The following ARHGAP17 variants were observed in gnomAD, a reference collection of about 807,000 sequenced individuals.
The protein encoded by ARHGAP17 is Rho GTPase activating protein 17.
Under a neutral mutation model 99.5 loss-of-function variants are expected in ARHGAP17, and 57 were observed. The observed-to-expected ratio is 0.57, with a 90% CI of 0.46 to 0.71. ARHGAP17 has a LOEUF of 0.71. ARHGAP17 is among the 30% of genes least tolerant of loss of function. The probability of loss-of-function intolerance (pLI) is 0.00; values close to 1 mark genes in which losing one functional copy is unlikely to be tolerated. For synonymous variants in ARHGAP17, 417 were observed against 429.6 expected, an observed-to-expected ratio of 0.97 and a Z score of 0.36; for missense variants, 1,000 against 1,122.4, an observed-to-expected ratio of 0.89 and a Z score of 1.56.
intron 17 of ARHGAP17, 87 bp downstream of exon 17, chr16:24,939,277 G>T: frequency 8.1e-7 from 1 of 1,230,618 alleles, no homozygotes; most frequent in Non-Finnish European, 1.1e-6. Context: ...GCAGTTCTTT[G>T]GGCATGGATG....
chr16:24,943,796 C>T lies in ARHGAP17; in HGVS notation c.1308G>A (p.Gln436=). 1 of 1,614,128 alleles carries T rather than the reference C, an allele frequency of 6.2e-7. No homozygotes were observed. The highest frequency in any genetic ancestry group is 1.6e-4 in the Middle Eastern group (1 of 6,062). The change falls in exon 15 of 20, where the codon CAG becomes CAA. Residue 436 remains glutamine (Q), a synonymous_variant. Coordinates refer to ENST00000289968, the MANE Select transcript of ARHGAP17 (RefSeq NM_001006634.3). ...CTTCAGGGAAGAACCAGTCGGCATG[C>T]TGAATGATGGGTTCAATCACTGCAA... ...HVVAVIEPII[Q]HADWFFPEEV... is the part of the protein sequence containing the mutation.
chr16:25,003,586 G>A (rs2141495355), intron 1 of ARHGAP17, among the ~76,000 whole-genome samples: 2 of 152,242 alleles, frequency 1.3e-5, no homozygotes, highest in East Asian at 3.9e-4. Context: ...CACTTTGGGA[G>A]GCCGAGGAGG....
chr16:24,983,771 G>A (rs950698583), intron 1 of ARHGAP17, among the ~76,000 whole-genome samples: 4 of 152,154 alleles, frequency 2.6e-5, no homozygotes, highest in Non-Finnish European at 4.4e-5. Flanking sequence ...CTTCCCACTC[G>A]CCATTTTACT....
intron 3 of ARHGAP17, chr16:24,972,651 A>G (rs1167990785): frequency 6.6e-6 from 1 of 152,236 alleles, no homozygotes; most frequent in African/African-American, 2.4e-5. Context: ...AGATCAATGC[A>G]ATAATCAAGA....
At chr16:25,006,889 A>G (rs190995601) in intron 1 of ARHGAP17, among the ~76,000 whole-genome samples, 26 of 152,338 alleles carry the variant, frequency 1.7e-4, no homozygotes, top group South Asian at 1.2e-3. Context: ...CTAGGGATAA[A>G]GAGACCCCAG....
chr16:25,010,684 G>A (rs575108955), intron 1 of ARHGAP17, among the ~76,000 whole-genome samples: 3 of 152,312 alleles, frequency 2.0e-5, no homozygotes, highest in East Asian at 3.9e-4. Context: ...TAGTGTCCCC[G>A]TAGTTTAATT....
intron 1 of ARHGAP17, among the ~76,000 whole-genome samples, chr16:25,002,926 C>A (rs2053401889): frequency 6.6e-6 from 1 of 150,786 alleles, no homozygotes; most frequent in South Asian, 2.1e-4. Flanking sequence ...GTAATCCCAG[C>A]TACTCGGGAG....
At chr16:24,973,741 T>C (rs1053574401) in intron 3 of ARHGAP17, among the ~76,000 whole-genome samples, 1 of 152,266 alleles carries the variant, frequency 6.6e-6, no homozygotes, top group Admixed American at 6.5e-5. Context: ...CATTTGTATG[T>C]ATCTCCCCCA....
intron 1 of ARHGAP17, among the ~76,000 whole-genome samples, chr16:25,011,622 T>C (rs2053644035): frequency 6.6e-6 from 1 of 151,702 alleles, no homozygotes; most frequent in African/African-American, 2.4e-5. Flanking sequence ...GGAGAATTGC[T>C]TGAACCTAGG....
intron 19 of ARHGAP17, among the ~76,000 whole-genome samples, chr16:24,929,273 C>T (rs1003009258): frequency 6.6e-6 from 1 of 151,918 alleles, no homozygotes. Context: ...TCAAGCAATC[C>T]TCTTGCCTCA....
chr16:24,994,154 T>C (rs913878314), intron 1 of ARHGAP17, among the ~76,000 whole-genome samples: 5 of 151,996 alleles, frequency 3.3e-5, no homozygotes, highest in African/African-American at 1.2e-4. Context: ...GGCGAGGCAG[T>C]TTTTGAGGGA....
At chr16:24,990,399 T>C (rs533380426) in intron 1 of ARHGAP17, among the ~76,000 whole-genome samples, 5 of 152,102 alleles carry the variant, frequency 3.3e-5, no homozygotes, top group African/African-American at 1.2e-4. Context: ...AGTGGGAGGA[T>C]TGTTTGAGCC....
chr16:25,014,437 T>C (rs2053726977), intron 1 of ARHGAP17, among the ~76,000 whole-genome samples: 1 of 152,240 alleles, frequency 6.6e-6, no homozygotes, highest in Non-Finnish European at 1.5e-5. Flanking sequence ...GCCTGCCATT[T>C]AATAATCAAT....
intron 1 of ARHGAP17, among the ~76,000 whole-genome samples, chr16:24,987,527 T>C (rs1170115571): frequency 6.6e-6 from 1 of 152,194 alleles, no homozygotes; most frequent in Non-Finnish European, 1.5e-5. Flanking sequence ...CGCTGGCTTT[T>C]CAAGACTTTT....
intron 1 of ARHGAP17, among the ~76,000 whole-genome samples, chr16:24,997,692 G>A (rs2053236092): frequency 6.6e-6 from 1 of 152,154 alleles, no homozygotes; most frequent in Non-Finnish European, 1.5e-5. Context: ...TGACTTGGGG[G>A]TGGACAGGAA....
At chr16:24,942,195 G>A (rs746719392) in intron 15 of ARHGAP17, 52 bp from the exon 16 acceptor site, 21 of 1,545,230 alleles carry the variant, frequency 1.4e-5, no homozygotes, top group Admixed American at 1.9e-5. Flanking sequence ...CAGCAGGCGA[G>A]GGAGCTCTAA....
intron 3 of ARHGAP17, among the ~76,000 whole-genome samples, 179 bp from the exon 4 acceptor site, chr16:24,970,759 G>T (rs2052338862): frequency 6.6e-6 from 1 of 152,190 alleles, no homozygotes; most frequent in Non-Finnish European, 1.5e-5. Flanking sequence ...CTCTGTTTCA[G>T]TTTGGGGCTA....
rs2052542622 is a variant in ARHGAP17 at position 24,977,134 on chromosome 16, T to C, written c.198+81A>G. 5 of 1,179,804 alleles carry C rather than the reference T, an allele frequency of 4.2e-6. No homozygotes were observed. The Admixed American group carries it at 1.5e-4, about 36-fold the overall frequency. The allele number at this position is 1,179,804 out of a possible 1,614,324, so 73.1% of individuals were successfully genotyped here. A position where few individuals can be genotyped will look rare whatever the true frequency, so the allele number is the denominator to read the frequency against. On this transcript the variant is annotated intron_variant, in intron 3 of 19. Coordinates refer to ENST00000289968, the MANE Select transcript of ARHGAP17 (RefSeq NM_001006634.3). The stretch of plus-strand genomic sequence containing the variant: ...CAAAGGCTGATCCACTGATGCCACT[T>C]AGGACAACCAACCAATCCAGGGGTT...
Position 24,919,997 on chromosome 16 carries a change from G to T in ARHGAP17, c.*133C>A. The T allele has an allele frequency of 8.2e-6, 11 of 1,342,666 alleles. No homozygotes were observed. The highest frequency in any genetic ancestry group is 1.0e-5 in the Non-Finnish European group (10 of 976,086). 83.2% of individuals were successfully genotyped at this position (1,342,666 alleles called of 1,614,324 possible). On this transcript the variant is annotated 3_prime_UTR_variant, in exon 20 of 20. Transcript: ENST00000289968. ...CTCCTTGGGCCGTGCAGAAGGCCAG[G>T]TCCCGCACAGTGAGGCCCTCCTTTG...
Sources: allele counts gnomAD v4.1 joint callset (sites outside exome capture counted in the v4.1 genomes callset), GRCh38; gene constraint gnomAD v4.1.1; transcripts MANE v1.5; gene names NCBI Gene and HGNC (gene_info 2026-07-23, HGNC 2026-07-21).